MAGI2: variants seen among roughly 807,000 people sequenced by gnomAD.
MAGI2 encodes the protein membrane associated guanylate kinase, WW and PDZ domain containing 2.
Under a neutral mutation model 133.3 loss-of-function variants are expected in MAGI2, and 35 were observed. The observed-to-expected ratio is 0.26, with a 90% CI of 0.20 to 0.35. MAGI2 has a LOEUF of 0.35. Ranked by LOEUF, MAGI2 falls within the 10% of genes least tolerant of loss-of-function variation. MAGI2 has a pLI of 1.00. For synonymous variants in MAGI2, 729 were observed against 710.6 expected (o/e 1.03, Z -0.41); for missense variants, 1,636 against 1,863.4 (o/e 0.88, Z 2.25).
chr7:78,732,293 C>A (rs1192037767), intron 2 of MAGI2, among the ~76,000 whole-genome samples: 1 of 151,970 alleles, frequency 6.6e-6, no homozygotes, highest in Admixed American at 6.6e-5. Context: ...ACTCTGAGCC[C>A]CAGATATGTC....
rs141415385 is a variant in MAGI2 at position 78,896,626 on chromosome 7, C to T, written c.418+110464G>A. Reference sequence around the variant, plus strand: ...TCTGTCACCCAGGCTGGAGTGCAGTCGTGCAATCTCGGCTCACTGCAACCT... The same window carrying T: ...TCTGTCACCCAGGCTGGAGTGCAGTTGTGCAATCTCGGCTCACTGCAACCT... On this transcript the variant is annotated intron_variant, in intron 2 of 21. Transcript: ENST00000354212. Among the ~76,000 whole-genome samples the T allele has an allele frequency of 2.4e-3, 358 of 151,410 alleles. 2 individuals are homozygous for T. Among genetic ancestry groups the T allele is most frequent in the Middle Eastern group, 6.9e-3 (2 of 290 alleles).
rs753691147 is a variant in MAGI2 at position 78,053,454 on chromosome 7, G to A, written c.3706+25493C>T. ...CTCTCCTTGTCAGATTGGCCCCAAG[G>A]GGGTGAGGACCTGTGTGGACAGACT... On this transcript the variant is annotated intron_variant, in intron 21 of 21. Transcript: ENST00000354212. Among the ~76,000 whole-genome samples, 4 of 152,330 alleles carry A rather than the reference G, an allele frequency of 2.6e-5. No homozygotes were observed. In the South Asian group the frequency reaches 6.2e-4, roughly 24 times the overall value.
At chr7:78,543,915 T>C (rs1798610552) in intron 3 of MAGI2, among the ~76,000 whole-genome samples, 1 of 152,240 alleles carries the variant, frequency 6.6e-6, no homozygotes, top group African/African-American at 2.4e-5. Context: ...AGTTTTATGC[T>C]AATCATTCTA....
chr7:78,091,825 T>C (rs1817241876), intron 20 of MAGI2, among the ~76,000 whole-genome samples: 1 of 152,228 alleles, frequency 6.6e-6, no homozygotes, highest in East Asian at 1.9e-4. Context: ...TTTGAGATTT[T>C]ATGATGTATT....
chr7:78,548,323 T>C (rs1799043184), intron 3 of MAGI2, among the ~76,000 whole-genome samples: 2 of 152,234 alleles, frequency 1.3e-5, no homozygotes, highest in South Asian at 4.1e-4. Context: ...AAGCTAATGA[T>C]ACTGGTTTGA....
At chr7:78,938,014 C>G (rs541248916) in intron 2 of MAGI2, among the ~76,000 whole-genome samples, 1 of 151,986 alleles carries the variant, frequency 6.6e-6, no homozygotes, top group South Asian at 2.1e-4. Context: ...AATATTTCAT[C>G]ATCAATATAA....
At chr7:79,168,885 G>GATATAT (rs752134999) in intron 1 of MAGI2, among the ~76,000 whole-genome samples, 5 of 138,854 alleles carry the variant, frequency 3.6e-5, no homozygotes, top group African/African-American at 1.5e-4. Flanking sequence ...TCTTTCTAAA[G>GATATAT]ATAGATATAT....
At chr7:78,455,352 T>G (rs148767968) in intron 6 of MAGI2, among the ~76,000 whole-genome samples, 45 of 152,266 alleles carry the variant, frequency 3.0e-4, no homozygotes, top group African/African-American at 1.1e-3. Context: ...TAAGAAATAT[T>G]GATTCTGTCA....
At chr7:78,205,688 C>T (rs1281218331) in intron 10 of MAGI2, among the ~76,000 whole-genome samples, 1 of 152,086 alleles carries the variant, frequency 6.6e-6, no homozygotes, top group African/African-American at 2.4e-5. Flanking sequence ...TTTGCGAAAT[C>T]TGGTCATCCT....
intron 1 of MAGI2, among the ~76,000 whole-genome samples, chr7:79,405,862 A>T (rs1304220010): frequency 6.6e-6 from 1 of 151,162 alleles, no homozygotes; most frequent in Non-Finnish European, 1.5e-5. Flanking sequence ...TAAGAGACAC[A>T]TCATATTCCC....
rs186092874 is a variant in MAGI2, at chr7:78,105,238, T to G, written c.3567+20456A>C. ...GTTTCCTGTTATATAAATACTAACT[T>G]AAGTAACCATTTTCTTGTTGATGGT... On this transcript the variant is annotated intron_variant, in intron 20 of 21. Coordinates refer to ENST00000354212, the MANE Select transcript of MAGI2 (RefSeq NM_012301.4). Among the ~76,000 whole-genome samples, 461 of 152,342 alleles carry G rather than the reference T, an allele frequency of 3.0e-3. 1 individual carries two copies. Among genetic ancestry groups the G allele is most frequent in the African/African-American group, 0.01 (432 of 41,576 alleles).
chr7:78,721,047 G>A (rs149336443), intron 2 of MAGI2, among the ~76,000 whole-genome samples: 4 of 152,056 alleles, frequency 2.6e-5, no homozygotes, highest in East Asian at 1.9e-4. Context: ...TGGACCTAAC[G>A]TTTAAAAAGC....
chr7:78,657,733 A>T (rs1246486390), intron 2 of MAGI2, among the ~76,000 whole-genome samples: 1 of 152,216 alleles, frequency 6.6e-6, no homozygotes, highest in Non-Finnish European at 1.5e-5. Flanking sequence ...ATAATGGTGA[A>T]TACGTGGTTA....
chr7:78,179,948 T>G (rs1827030757), intron 13 of MAGI2, among the ~76,000 whole-genome samples: 1 of 152,116 alleles, frequency 6.6e-6, no homozygotes, highest in South Asian at 2.1e-4. Context: ...GGAGTAGAGC[T>G]CTACAAAATC....
chr7:78,212,074 A>G lies in MAGI2; in HGVS notation c.2048-10881T>C, dbSNP rs1787817629. ...GCATTTTCCTGTAAGTATTTATACG[A>G]TTATTTACATTTACGCAACTTAACT... On this transcript the variant is annotated intron_variant, in intron 10 of 21. Coordinates refer to ENST00000354212, the MANE Select transcript of MAGI2 (RefSeq NM_012301.4). Among the ~76,000 whole-genome samples the G allele has an allele frequency of 3.3e-5, 5 of 152,192 alleles. No homozygotes were observed. In the South Asian group the frequency reaches 1.0e-3, roughly 32 times the overall value.
At chr7:79,266,397 A>G (rs1214194732) in intron 1 of MAGI2, among the ~76,000 whole-genome samples, 1 of 152,036 alleles carries the variant, frequency 6.6e-6, no homozygotes, top group African/African-American at 2.4e-5. Context: ...TCACAGTGTC[A>G]TTTGTTCCCA....
chr7:78,475,224 C>G (rs1239798997), intron 6 of MAGI2, among the ~76,000 whole-genome samples: 1 of 151,896 alleles, frequency 6.6e-6, no homozygotes, highest in African/African-American at 2.4e-5. Context: ...ACAATAGCAA[C>G]AGCTGGCTTT....
chr7:79,214,102 A>C (rs545587392), intron 1 of MAGI2, among the ~76,000 whole-genome samples: 5 of 152,020 alleles, frequency 3.3e-5, no homozygotes, highest in African/African-American at 1.2e-4. Context: ...CCCAAAGTAT[A>C]ATGTAAACGT....
intron 9 of MAGI2, among the ~76,000 whole-genome samples, chr7:78,308,718 C>T (rs1313652997): frequency 6.6e-6 from 1 of 152,118 alleles, no homozygotes; most frequent in Non-Finnish European, 1.5e-5. Flanking sequence ...TAGGTCTATA[C>T]TTGAAGTCCC....
Sources: gnomAD v4.1 joint callset for allele counts (sites outside exome capture counted in the v4.1 genomes callset) on GRCh38, gnomAD v4.1.1 for gene constraint, MANE v1.5 for transcripts, NCBI Gene and HGNC (gene_info 2026-07-23, HGNC 2026-07-21) for gene names.